Variants in PREX2 observed in about 807,000 individuals in gnomAD.
PREX2 encodes phosphatidylinositol-3,4,5-trisphosphate dependent Rac exchange factor 2, also known as phosphatidylinositol 3,4,5-trisphosphate-dependent Rac exchanger 2 protein.
A neutral mutation model predicts 203.2 loss-of-function variants in PREX2; 107 were observed. The observed-to-expected ratio is 0.53, with a 90% CI of 0.45 to 0.62. The LOEUF (loss-of-function observed/expected upper bound fraction) is 0.62. PREX2 is among the 20% of genes least tolerant of loss of function. The probability of loss-of-function intolerance (pLI) is 0.00; values close to 1 mark genes in which losing one functional copy is unlikely to be tolerated. For missense variants in PREX2, 1,777 were observed against 1,955.9 expected (o/e 0.91, Z 1.72); for synonymous variants, 672 against 663.6 (o/e 1.01, Z -0.19).
chr8:68,192,483 T>C lies in PREX2; in HGVS notation c.4562T>C (p.Leu1521Pro). 4 of 1,608,844 alleles carry C rather than the reference T, an allele frequency of 2.5e-6. No individual in the cohort carries two copies. The highest frequency in any genetic ancestry group is 3.4e-6 in the Non-Finnish European group (4 of 1,178,928). ...LSVSSELCNR[L>P]GACHIIMCSS... is the part of the protein sequence containing the mutation. Reference sequence around the variant, plus strand: ...GTTTCCTCGGAGCTGTGCAACAGGCTGGGCGCCTGCCACATCATCATGTGC... The same window carrying C: ...GTTTCCTCGGAGCTGTGCAACAGGCCGGGCGCCTGCCACATCATCATGTGC... Residue 1521 changes from leucine (L) to proline (P), a missense_variant, in exon 37 of 40, where the codon CTG becomes CCG. Transcript: ENST00000288368.
At chr8:68,119,595 C>A in intron 28 of PREX2, 81 bp downstream of exon 28, 1 of 1,008,818 alleles carries the variant, frequency 9.9e-7, no homozygotes, top group South Asian at 1.3e-5. Context: ...AAAAGGAGCT[C>A]AGAGTTAGAA....
In PREX2 at chr8:68,115,889, G is replaced by A; in HGVS notation, c.3283G>A (p.Glu1095Lys). The A allele has an allele frequency of 6.2e-7, 1 of 1,613,674 alleles. No individual in the cohort carries two copies. Among genetic ancestry groups the A allele is most frequent in the South Asian group, 1.1e-5 (1 of 90,978 alleles). ...TTTTAATGTAGCAGGAGATGAACAG[G>A]AAGATTCTGGTCATGACACCATCAG... Reference protein sequence around the residue: ...VCFNVAGDEQEDSGHDTISNR... With the variant: ...VCFNVAGDEQKDSGHDTISNR... Residue 1095 changes from glutamate (E) to lysine (K), a missense_variant, in exon 26 of 40, where the codon GAA becomes AAA. Coordinates refer to ENST00000288368, the MANE Select transcript of PREX2 (RefSeq NM_024870.4).
At chr8:68,030,867 G>C (rs977162268) in intron 6 of PREX2, among the ~76,000 whole-genome samples, 44 of 152,142 alleles carry the variant, frequency 2.9e-4, no homozygotes, top group African/African-American at 1.1e-3. Flanking sequence ...GACCCAATAA[G>C]TTTGTGATGG....
At chr8:68,226,535 T>G (rs929209266) in intron 39 of PREX2, among the ~76,000 whole-genome samples, 1 of 152,214 alleles carries the variant, frequency 6.6e-6, no homozygotes. Flanking sequence ...AGCTGAAGTT[T>G]GCTATCTCTG....
At chr8:67,975,753 G>A (rs1806063538) in intron 1 of PREX2, among the ~76,000 whole-genome samples, 2 of 130,102 alleles carry the variant, frequency 1.5e-5, no homozygotes, top group South Asian at 4.8e-4. Context: ...GCCAAGACTG[G>A]AGTGCAGTGG....
At chr8:68,017,961 A>G (rs780584595) in intron 2 of PREX2, 44 bp downstream of exon 2, 47 of 1,519,238 alleles carry the variant, frequency 3.1e-5, no homozygotes, top group Non-Finnish European at 4.1e-5. Flanking sequence ...TGAGTTTCCT[A>G]TAGATAAATT....
At chr8:68,160,614 C>T (rs1369098606) in intron 35 of PREX2, among the ~76,000 whole-genome samples, 1 of 152,026 alleles carries the variant, frequency 6.6e-6, no homozygotes, top group African/African-American at 2.4e-5. Context: ...CTTTGGGAAA[C>T]ACAGTTTTAG....
intron 4 of PREX2, among the ~76,000 whole-genome samples, chr8:68,025,171 A>T (rs1807681180): frequency 6.6e-6 from 1 of 151,742 alleles, no homozygotes; most frequent in Non-Finnish European, 1.5e-5. Context: ...AGTCAGTTCT[A>T]CTAGCAATAA....
chr8:68,196,179 A>G (rs1812390234), intron 37 of PREX2, among the ~76,000 whole-genome samples: 3 of 151,940 alleles, frequency 2.0e-5, no homozygotes, highest in Admixed American at 6.6e-5. Flanking sequence ...GTTTAATGTC[A>G]TCATTGCTAT....
intron 11 of PREX2, 91 bp downstream of exon 11, chr8:68,060,870 C>T: frequency 6.1e-6 from 5 of 813,076 alleles, no homozygotes; most frequent in Non-Finnish European, 9.8e-6. Context: ...CAATTCCCCA[C>T]ATTATAGGAT....
At chr8:68,123,623 T>G (rs1810823215) in intron 30 of PREX2, among the ~76,000 whole-genome samples, 1 of 151,880 alleles carries the variant, frequency 6.6e-6, no homozygotes, top group Admixed American at 6.6e-5. Flanking sequence ...ATACCATAAC[T>G]ATGGACACCT....
chr8:68,115,328 G>C (rs944487998), intron 25 of PREX2, among the ~76,000 whole-genome samples: 6 of 152,056 alleles, frequency 3.9e-5, no homozygotes, highest in Middle Eastern at 3.2e-3. Flanking sequence ...ACACCCGGCT[G>C]ATTACCGAGT....
intron 35 of PREX2, among the ~76,000 whole-genome samples, chr8:68,158,711 T>C (rs999181757): frequency 3.3e-5 from 5 of 152,178 alleles, no homozygotes; most frequent in Admixed American, 1.3e-4. Context: ...GAGGATGTAA[T>C]TGCTGTTTCA....
In PREX2 at chr8:68,235,231, T is replaced by A. The variant is rs1813243917; in HGVS notation, c.*3853T>A. 6.6e-5 allele frequency: 10 copies of A among 152,170 alleles called. No individual in the cohort carries two copies. The South Asian group carries it at 2.1e-3, about 32-fold the overall frequency. 9.4% of individuals were successfully genotyped at this position (152,170 alleles called of 1,614,324 possible). A position where few individuals can be genotyped will look rare whatever the true frequency, so the allele number is the denominator to read the frequency against. ...AAAGCCATAATATTGAAATTTAAAA[T>A]GAATAGTCTTACTTTAAGGTCACTT... On this transcript the variant is annotated 3_prime_UTR_variant, in exon 40 of 40. Transcript: ENST00000288368.
intron 1 of PREX2, among the ~76,000 whole-genome samples, chr8:67,954,384 A>G (rs1805434634): frequency 6.6e-6 from 1 of 152,218 alleles, no homozygotes; most frequent in South Asian, 2.1e-4. Flanking sequence ...ATAATAGATT[A>G]TTAGATTTTC....
chr8:68,121,029 A>G lies in PREX2; in HGVS notation c.3704A>G (p.Asn1235Ser). 6.2e-7 allele frequency: 1 copy of G among 1,613,350 alleles called. No homozygotes were observed. Among genetic ancestry groups the G allele is most frequent in the African/African-American group, 1.3e-5 (1 of 75,000 alleles). Residue 1235 changes from asparagine to serine, a missense_variant, in exon 30 of 40, where the codon AAC (asparagine) becomes AGC (serine). Physicochemically the swap from Asn to Ser is conservative, Grantham distance 46. Transcript: ENST00000288368. The part of the protein sequence containing the change: ...LPSSVRTLAQ[N>S]IRKFVEEVKC... ...AGCAGCGTCCGGACTCTTGCTCAGAACATCAGGAAATTTGTTGAAGGTCAG... is the reference window on the plus strand; with the variant it reads ...AGCAGCGTCCGGACTCTTGCTCAGAGCATCAGGAAATTTGTTGAAGGTCAG...
At chr8:68,120,830 A>G in intron 29 of PREX2, 91 bp from the exon 30 acceptor site, 1 of 1,095,162 alleles carries the variant, frequency 9.1e-7, no homozygotes, top group Non-Finnish European at 1.3e-6. Context: ...ATAGTCTAGG[A>G]CAACAGTGAC....
At chr8:67,973,542 T>A (rs1805985397) in intron 1 of PREX2, among the ~76,000 whole-genome samples, 1 of 152,172 alleles carries the variant, frequency 6.6e-6, no homozygotes, top group Non-Finnish European at 1.5e-5. Context: ...AGGATCCAAT[T>A]CAAACATCAC....
chr8:68,179,974 G>T (rs925017078), intron 35 of PREX2, among the ~76,000 whole-genome samples: 1 of 152,040 alleles, frequency 6.6e-6, no homozygotes, highest in Admixed American at 6.6e-5. Flanking sequence ...TGATAAATAA[G>T]ATTGTCTCTA....
Sources: gnomAD v4.1 joint callset for allele counts (sites outside exome capture counted in the v4.1 genomes callset) on GRCh38, gnomAD v4.1.1 for gene constraint, MANE v1.5 for transcripts, NCBI Gene and HGNC (gene_info 2026-07-23, HGNC 2026-07-21) for gene names.